Variants in TJP2 observed in about 807,000 individuals in gnomAD.
TJP2 encodes the protein Friedreich ataxia region gene X104 (tight junction protein ZO-2).
In TJP2, 91 loss-of-function variants were observed where a neutral mutation model predicts 133.1. That is an observed-to-expected ratio of 0.68 (90% CI 0.58 to 0.81). The LOEUF is 0.81. TJP2 is among the 40% of genes least tolerant of loss of function. TJP2 has a pLI of 0.00. For synonymous variants in TJP2, 592 were observed against 583.4 expected, an observed-to-expected ratio of 1.01 and a Z score of -0.21; for missense variants, 1,541 against 1,565.6, an observed-to-expected ratio of 0.98 and a Z score of 0.26.
intron 21 of TJP2, among the ~76,000 whole-genome samples, chr9:69,252,197 T>C (rs1343198066): frequency 7.2e-5 from 11 of 152,162 alleles, no homozygotes; most frequent in Non-Finnish European, 1.3e-4. Flanking sequence ...GGTTTTGTCA[T>C]GTTGCTAGGC....
chr9:69,134,822 CCAGGATGGT>C (rs1295418583), intron 1 of TJP2, among the ~76,000 whole-genome samples: 3 of 152,066 alleles, frequency 2.0e-5, no homozygotes, highest in Admixed American at 2.0e-4. Flanking sequence ...ATACCAGGTG[CCAGGATGGT>C]CAGGTTCGTG....
chr9:69,205,487 T>C (rs1348696117), intron 1 of TJP2, among the ~76,000 whole-genome samples: 1 of 152,240 alleles, frequency 6.6e-6, no homozygotes, highest in African/African-American at 2.4e-5. Context: ...GCTGCTGTTT[T>C]CCATGTGCTA....
chr9:69,237,596 G>GGCTTGAGGTAGGAGGATC lies in TJP2; in HGVS notation c.2180-275_2180-274insGTAGGAGGATCGCTTGAG, dbSNP rs11272756. 0.73 allele frequency among the ~76,000 whole-genome samples: 110,713 copies of GGCTTGAGGTAGGAGGATC among 151,898 alleles called. 40,433 individuals carry two copies. The highest frequency in any genetic ancestry group is 0.77 in the South Asian group (3,688 of 4,806). Reference sequence around the variant, plus strand: ...GCAGTGTAGTCCCAGCTACTCAGGAGGCTTGAGCCTAGGAGTTTGAGTTTA... The same window carrying GGCTTGAGGTAGGAGGATC: ...GCAGTGTAGTCCCAGCTACTCAGGAGGCTTGAGGTAGGAGGATCGCTTGAGCCTAGGAGTTTGAGTTTA... On this transcript the variant is annotated intron_variant, in intron 14 of 22. Transcript: ENST00000377245.
chr9:69,239,387 G>A (rs1830432255), intron 16 of TJP2, among the ~76,000 whole-genome samples: 1 of 152,162 alleles, frequency 6.6e-6, no homozygotes, highest in Admixed American at 6.5e-5. Context: ...TTCTCTGGCA[G>A]TAACATACTG....
chr9:69,141,126 C>T (rs1029789284), intron 1 of TJP2, among the ~76,000 whole-genome samples: 1 of 152,234 alleles, frequency 6.6e-6, no homozygotes, highest in Non-Finnish European at 1.5e-5. Flanking sequence ...GCTGGGATTA[C>T]AGGCGTGAGC....
intron 2 of TJP2, among the ~76,000 whole-genome samples, chr9:69,152,762 T>C (rs1823536839): frequency 2.0e-5 from 3 of 148,746 alleles, no homozygotes; most frequent in Admixed American, 2.0e-4. Flanking sequence ...CATTTTCCAC[T>C]GAATTAACAG....
intron 5 of TJP2, among the ~76,000 whole-genome samples, chr9:69,223,069 G>GAAAAAAAAAAAAA (rs57114714): frequency 5.3e-5 from 6 of 114,116 alleles, no homozygotes; most frequent in African/African-American, 1.5e-4. Flanking sequence ...ACTCTGTCTT[G>GAAAAAAAAAAAAA]AAAAAAAAAA....
chr9:69,127,532 C>T lies in TJP2; in HGVS notation c.-131+5807C>T, dbSNP rs796852320. ...TCATGCCACTGGGCTCTAGCCTGTGCGACACAGTAAGATCTTGTCTCAAAA... is the reference window on the plus strand; with the variant it reads ...TCATGCCACTGGGCTCTAGCCTGTGTGACACAGTAAGATCTTGTCTCAAAA... On this transcript the variant is annotated intron_variant, in intron 1 of 5. Transcript: ENST00000423935. Among the ~76,000 whole-genome samples, 44 of 72,084 alleles carry T rather than the reference C, an allele frequency of 6.1e-4. 15 individuals carry two copies. Among genetic ancestry groups the T allele is most frequent in the African/African-American group, 1.7e-3 (39 of 23,258 alleles). The allele number at this position is 72,084 out of a possible 152,430, so 47.3% of individuals were successfully genotyped here.
rs534050219 is a variant in TJP2 at position 69,240,163 on chromosome 9, A to G, written c.2566+16A>G. 9 of 1,605,388 alleles carry G rather than the reference A, an allele frequency of 5.6e-6. No individual in the cohort carries two copies. Among genetic ancestry groups the G allele is most frequent in the Non-Finnish European group, 7.7e-6 (9 of 1,173,408 alleles). On this transcript the variant is annotated intron_variant, in intron 17 of 22. Transcript: ENST00000377245. ...CTTTTTACAGGTAAGTGAAATGTAA[A>G]TGTAGTCCCTTTGCTAAAAAATGAG...
chr9:69,250,145 C>T (rs930615496), intron 20 of TJP2, among the ~76,000 whole-genome samples: 5 of 152,146 alleles, frequency 3.3e-5, no homozygotes, highest in African/African-American at 4.8e-5. Flanking sequence ...CTCTGTTGCC[C>T]AGGCTGGAGT....
At chr9:69,183,839 A>T (rs1227383943) in intron 1 of TJP2, among the ~76,000 whole-genome samples, 7 of 152,144 alleles carry the variant, frequency 4.6e-5, no homozygotes, top group African/African-American at 1.7e-4. Flanking sequence ...GGTTCAAGTG[A>T]TTCTCCTGCT....
intron 2 of TJP2, among the ~76,000 whole-genome samples, chr9:69,165,155 G>T (rs1029602215): frequency 6.6e-6 from 1 of 152,052 alleles, no homozygotes; most frequent in Non-Finnish European, 1.5e-5. Flanking sequence ...TTGAGACAGG[G>T]TCTCAGTCTG....
intron 1 of TJP2, 92 bp from the exon 2 acceptor site, chr9:69,212,456 A>C: frequency 1.0e-6 from 1 of 967,942 alleles, no homozygotes; most frequent in Non-Finnish European, 1.7e-6. Flanking sequence ...TGTGAGCTGG[A>C]CTTTATGTCG....
intron 2 of TJP2, among the ~76,000 whole-genome samples, chr9:69,162,862 T>C (rs1824152944): frequency 6.6e-6 from 1 of 152,180 alleles, no homozygotes; most frequent in Non-Finnish European, 1.5e-5. Flanking sequence ...ATAGTTTGAG[T>C]GAATAAACAA....
intron 1 of TJP2, among the ~76,000 whole-genome samples, chr9:69,182,027 A>G (rs768192156): frequency 2.0e-5 from 3 of 152,060 alleles, no homozygotes; most frequent in African/African-American, 7.2e-5. Context: ...TGCCTGTGAC[A>G]TACGCTTGGA....
chr9:69,250,175 T>C (rs1831228033), intron 20 of TJP2, among the ~76,000 whole-genome samples: 2 of 152,208 alleles, frequency 1.3e-5, no homozygotes, highest in Admixed American at 1.3e-4. Flanking sequence ...CAATCTCGGC[T>C]CACTGCAACC....
At chr9:69,253,864 A>G (rs1452435775) in intron 22 of TJP2, 7 of 351,340 alleles carry the variant, frequency 2.0e-5, no homozygotes, top group South Asian at 8.1e-5. Context: ...TCTGGCAACA[A>G]AGAGTTCTTG....
rs1831441706 is a variant in TJP2, at chr9:69,252,868, C to G, written c.3375C>G (p.His1125Gln). The change falls in exon 22 of 23, where the codon CAC (histidine) becomes CAG (glutamine). Residue 1125 changes from histidine (H) to glutamine (Q), a missense_variant. Coordinates refer to ENST00000377245, the MANE Select transcript of TJP2 (RefSeq NM_004817.4). ...TCTATGCAGTTCCAATCAAAACGCA[C>G]AAGCCAGACCCTGGCACGCCCCAGC... ...PDIYAVPIKT[H>Q]KPDPGTPQHT... The G allele has an allele frequency of 1.2e-6, 2 of 1,614,186 alleles. No individual in the cohort carries two copies. The highest frequency in any genetic ancestry group is 4.5e-5 in the East Asian group (2 of 44,880).
At chr9:69,242,339 C>T (rs1040818441) in intron 17 of TJP2, among the ~76,000 whole-genome samples, 4 of 152,206 alleles carry the variant, frequency 2.6e-5, no homozygotes, top group African/African-American at 7.2e-5. Flanking sequence ...CTGAACATTT[C>T]CCAGCGTTGT....
Sources: gnomAD v4.1 joint callset for allele counts (sites outside exome capture counted in the v4.1 genomes callset) on GRCh38, gnomAD v4.1.1 for gene constraint, MANE v1.5 for transcripts, NCBI Gene and HGNC (gene_info 2026-07-23, HGNC 2026-07-21) for gene names.